Variants in MAD1L1 observed in about 807,000 individuals in gnomAD.
MAD1L1 encodes the protein mitotic arrest deficient 1 like 1.
A neutral mutation model predicts 96.9 loss-of-function variants in MAD1L1; 95 were observed. The observed-to-expected ratio is 0.98, with a 90% CI of 0.83 to 1.16. The LOEUF (loss-of-function observed/expected upper bound fraction) is 1.16, where lower values mean the gene tolerates loss of function less well. Among genes scored for constraint, MAD1L1 ranks in the 50% most tolerant of loss-of-function variants. The pLI is 0.00. For synonymous variants in MAD1L1, 473 were observed against 396.6 expected (o/e 1.19, Z -2.29); for missense variants, 1,007 against 954.4 (o/e 1.06, Z -0.73).
At chr7:2,160,419 G>T (rs1006242324) in intron 10 of MAD1L1, among the ~76,000 whole-genome samples, 2 of 144,476 alleles carry the variant, frequency 1.4e-5, no homozygotes, top group African/African-American at 5.2e-5. Flanking sequence ...TGAAAGCTCC[G>T]CCTCCTGGGT....
At chr7:2,134,416 T>C (rs1788656985) in intron 11 of MAD1L1, among the ~76,000 whole-genome samples, 2 of 152,362 alleles carry the variant, frequency 1.3e-5, no homozygotes, top group African/African-American at 2.4e-5. Context: ...TAGACGATCA[T>C]GTCATCTGCA....
intron 11 of MAD1L1, among the ~76,000 whole-genome samples, chr7:2,073,137 C>A (rs1009475033): frequency 1.4e-4 from 22 of 152,206 alleles, no homozygotes; most frequent in African/African-American, 3.6e-4. Context: ...GGCACCGAGG[C>A]GCCCCAAGCC....
chr7:2,030,050 T>C (rs1783152602), intron 12 of MAD1L1, among the ~76,000 whole-genome samples: 1 of 152,170 alleles, frequency 6.6e-6, no homozygotes, highest in African/African-American at 2.4e-5. Flanking sequence ...GCTCACCACA[T>C]TCAGGGAGCA....
chr7:1,985,862 C>A (rs1781117399), intron 14 of MAD1L1, among the ~76,000 whole-genome samples: 1 of 152,218 alleles, frequency 6.6e-6, no homozygotes, highest in Non-Finnish European at 1.5e-5. Flanking sequence ...CTCACCGTCT[C>A]TTCTTGGAGC....
intron 10 of MAD1L1, among the ~76,000 whole-genome samples, chr7:2,183,038 C>T (rs938236682): frequency 6.6e-6 from 1 of 152,030 alleles, no homozygotes; most frequent in African/African-American, 2.4e-5. Context: ...GTCTGGACAA[C>T]ATAGTGAGAC....
chr7:1,878,742 C>A (rs200021220), intron 18 of MAD1L1, among the ~76,000 whole-genome samples: 4 of 142,620 alleles, frequency 2.8e-5, no homozygotes, highest in Non-Finnish European at 4.6e-5. Flanking sequence ...CCCCCCCCCC[C>A]CATTCTTATT....
chr7:1,854,990 C>T (rs572395625), intron 18 of MAD1L1, among the ~76,000 whole-genome samples: 7 of 152,348 alleles, frequency 4.6e-5, no homozygotes, highest in Admixed American at 1.3e-4. Context: ...CCGCGCCCAC[C>T]GCTGGCAGAG....
rs188311070 is a variant in MAD1L1, at chr7:1,927,646, A to T, written c.1807+9041T>A. On this transcript the variant is annotated intron_variant, in intron 17 of 18. Transcript: ENST00000265854. ...GGACATCCATATAAAAACAAAAAAG[A>T]AAAGTAGCTTGAACTCAAGCTCACA... Among the ~76,000 whole-genome samples, 49 of 152,330 alleles carry T rather than the reference A, an allele frequency of 3.2e-4. 3 individuals are homozygous for T. The highest frequency in any genetic ancestry group is 2.5e-3 in the Admixed American group (39 of 15,298).
chr7:2,219,219 T>G, intron 6 of MAD1L1, 113 bp downstream of exon 6: 1 of 1,028,282 alleles, frequency 9.7e-7, no homozygotes, highest in Non-Finnish European at 1.4e-6. Context: ...TGTCTGTGAA[T>G]TAGGACAGCA....
chr7:1,918,790 C>A (rs1390797763), intron 17 of MAD1L1, among the ~76,000 whole-genome samples: 1 of 152,218 alleles, frequency 6.6e-6, no homozygotes, highest in Non-Finnish European at 1.5e-5. Context: ...CCCACCTGGA[C>A]TGCACTTGGG....
intron 17 of MAD1L1, among the ~76,000 whole-genome samples, chr7:1,919,784 C>T (rs1157934487): frequency 6.6e-6 from 1 of 152,264 alleles, no homozygotes; most frequent in Non-Finnish European, 1.5e-5. Flanking sequence ...AAGTCCAAAA[C>T]AGCTGACAGT....
At chr7:1,882,718 C>G (rs921106320) in intron 18 of MAD1L1, among the ~76,000 whole-genome samples, 9 of 152,240 alleles carry the variant, frequency 5.9e-5, no homozygotes, top group Non-Finnish European at 1.3e-4. Context: ...CAGCCACTGC[C>G]CTGCCACAGG....
At chr7:2,043,553 C>T (rs779561527) in intron 12 of MAD1L1, among the ~76,000 whole-genome samples, 1 of 152,214 alleles carries the variant, frequency 6.6e-6, no homozygotes, top group African/African-American at 2.4e-5. Context: ...GAACGTGATG[C>T]CCGGGTACCG....
intron 11 of MAD1L1, among the ~76,000 whole-genome samples, chr7:2,094,356 G>T (rs944404434): frequency 1.3e-5 from 2 of 152,220 alleles, no homozygotes; most frequent in Non-Finnish European, 2.9e-5. Flanking sequence ...GACAGAGGAT[G>T]CCCGAGCACC....
chr7:1,941,309 G>T (rs1388327979), intron 16 of MAD1L1, among the ~76,000 whole-genome samples: 2 of 151,928 alleles, frequency 1.3e-5, no homozygotes, highest in Non-Finnish European at 2.9e-5. Context: ...CCCAGCCAGG[G>T]TGCCCCACGA....
At chr7:2,179,989 AAAAG>A (rs1255509480) in intron 10 of MAD1L1, among the ~76,000 whole-genome samples, 2 of 151,978 alleles carry the variant, frequency 1.3e-5, no homozygotes, top group African/African-American at 2.4e-5. Flanking sequence ...AAAAGAAAAG[AAAAG>A]AAAGAAAGTC....
intron 12 of MAD1L1, among the ~76,000 whole-genome samples, chr7:2,067,407 A>C: frequency 6.7e-6 from 1 of 149,754 alleles, no homozygotes; most frequent in Non-Finnish European, 1.5e-5. Context: ...CAGCCCTCCC[A>C]CTCTTCCTCC....
At chr7:2,161,902 C>T (rs1246117912) in intron 10 of MAD1L1, among the ~76,000 whole-genome samples, 4 of 148,270 alleles carry the variant, frequency 2.7e-5, no homozygotes, top group Admixed American at 1.3e-4. Flanking sequence ...GGGGCAGCCC[C>T]CGCCCGCCAG....
chr7:1,910,337 A>G (rs6963443), intron 17 of MAD1L1, among the ~76,000 whole-genome samples: 150,373 of 152,266 alleles, frequency 0.99, 74,275 homozygotes, highest in Middle Eastern at 1. Context: ...AATGGACAGA[A>G]AGATGCCTGC....
Sources: gnomAD v4.1 joint callset for allele counts (sites outside exome capture counted in the v4.1 genomes callset) on GRCh38, gnomAD v4.1.1 for gene constraint, MANE v1.5 for transcripts, NCBI Gene and HGNC (gene_info 2026-07-23, HGNC 2026-07-21) for gene names.